The following GSTO1 variants were observed in gnomAD, a reference collection of about 807,000 sequenced individuals.
GSTO1 encodes glutathione S-transferase omega 1.
Under a neutral mutation model 23.8 loss-of-function variants are expected in GSTO1, and 27 were observed. The ratio of observed to expected loss-of-function variants is 1.13; its 90% CI spans 0.83 to 1.56. GSTO1 has a LOEUF of 1.56. GSTO1 is among the 40% of genes most tolerant of loss of function. GSTO1 has a pLI of 0.00. For synonymous variants in GSTO1, 105 were observed against 109.3 expected, an observed-to-expected ratio of 0.96 and a Z score of 0.25; for missense variants, 255 against 285.8, an observed-to-expected ratio of 0.89 and a Z score of 0.78.
chr10:104,257,558 C>G (rs1346510214), intron 2 of GSTO1, among the ~76,000 whole-genome samples: 3 of 152,050 alleles, frequency 2.0e-5, no homozygotes, highest in Non-Finnish European at 4.4e-5. Context: ...CCAGGCTGGT[C>G]TTGAACTCCT....
rs940611204 is a variant in GSTO1 at position 104,259,810 on chromosome 10, A to G, written c.366+12A>G. 5.8e-6 allele frequency: 9 copies of G among 1,553,286 alleles called. No individual in the cohort carries two copies. Among genetic ancestry groups the G allele is most frequent in the African/African-American group, 5.4e-5 (4 of 73,572 alleles). On this transcript the variant is annotated intron_variant, in intron 3 of 5. Transcript: ENST00000369713. The stretch of plus-strand genomic sequence containing the variant: ...AGTTGTTTTCTAAGGTTTGTGCATA[A>G]GAAATTTCAGCTCCTATTTGAAAAA...
At chr10:104,257,982 A>G (rs557358805) in intron 2 of GSTO1, among the ~76,000 whole-genome samples, 19 of 152,362 alleles carry the variant, frequency 1.2e-4, no homozygotes, top group African/African-American at 3.6e-4. Context: ...GTTTATTACT[A>G]TGAACAGATA....
rs2011207077 is a variant in GSTO1, at chr10:104,267,377, GC to G, written c.701del (p.Pro234LeufsTer16). ...TTCCTAGAGCTCTACTTACAGAACA[GC>G]CCTGAGGCCTGTGACTATGGGCTCT... ...QGFLELYLQNSPEACDYGL is the reference protein window; with the variant it reads ...QGFLELYLQNXPEACDYGL On this transcript the variant is annotated frameshift_variant, in exon 6 of 6. Coordinates refer to ENST00000369713, the MANE Select transcript of GSTO1 (RefSeq NM_004832.3). LOFTEE classifies it high-confidence loss of function. 1 of 1,613,194 alleles carries G rather than the reference GC, an allele frequency of 6.2e-7. No individual in the cohort carries two copies. The highest frequency in any genetic ancestry group is 8.5e-7 in the Non-Finnish European group (1 of 1,179,614).
intron 2 of GSTO1, among the ~76,000 whole-genome samples, chr10:104,257,238 C>T (rs2011104768): frequency 6.6e-6 from 1 of 152,056 alleles, no homozygotes; most frequent in African/African-American, 2.4e-5. Context: ...CTGGACTTCA[C>T]CTGTTTTCTT....
chr10:104,256,951 A>C (rs1273283469), intron 2 of GSTO1, among the ~76,000 whole-genome samples: 1 of 152,100 alleles, frequency 6.6e-6, no homozygotes, highest in Non-Finnish European at 1.5e-5. Flanking sequence ...GAACCTTTTA[A>C]ATTACATGCA....
chr10:104,262,630 T>G (rs2011147098), intron 3 of GSTO1, among the ~76,000 whole-genome samples: 1 of 152,188 alleles, frequency 6.6e-6, no homozygotes, highest in Admixed American at 6.5e-5. Flanking sequence ...GAGAATTGCT[T>G]GAGCCCGGGC....
chr10:104,260,398 G>A (rs2011129141), intron 3 of GSTO1, among the ~76,000 whole-genome samples: 1 of 152,136 alleles, frequency 6.6e-6, no homozygotes, highest in African/African-American at 2.4e-5. Flanking sequence ...TATAGTAATT[G>A]TTCCCACCTC....
chr10:104,255,320 G>A, intron 2 of GSTO1, 49 bp downstream of exon 2: 2 of 1,289,838 alleles, frequency 1.6e-6, no homozygotes, highest in Non-Finnish European at 2.3e-6. Flanking sequence ...GGAGCCTGCT[G>A]CAGGCGGCGG....
chr10:104,258,864 G>A (rs565128454), intron 2 of GSTO1, among the ~76,000 whole-genome samples: 50 of 152,216 alleles, frequency 3.3e-4, no homozygotes, highest in African/African-American at 1.2e-3. Flanking sequence ...TAAAAAAATA[G>A]ACATTTCTTC....
chr10:104,255,087 G>A, intron 1 of GSTO1, 76 bp from the exon 2 acceptor site: 1 of 1,430,620 alleles, frequency 7.0e-7, no homozygotes, highest in Non-Finnish European at 9.7e-7. Flanking sequence ...GAGCTGCAGT[G>A]GGACGCGGGG....
intron 1 of GSTO1, 69 bp from the exon 2 acceptor site, chr10:104,255,093 CG>C: frequency 2.1e-6 from 3 of 1,439,896 alleles, no homozygotes; most frequent in East Asian, 2.3e-5. Context: ...CAGTGGGACG[CG>C]GGGGCGGTGG....
chr10:104,256,036 T>C (rs984132995), intron 2 of GSTO1, among the ~76,000 whole-genome samples: 3 of 152,212 alleles, frequency 2.0e-5, no homozygotes, highest in Admixed American at 2.0e-4. Context: ...AACCCCCTAT[T>C]CTTAAGGAAT....
At chr10:104,257,880 A>T (rs1372246363) in intron 2 of GSTO1, among the ~76,000 whole-genome samples, 4 of 152,248 alleles carry the variant, frequency 2.6e-5, no homozygotes, top group African/African-American at 9.6e-5. Flanking sequence ...GAAATATTTC[A>T]AAACAAAAAT....
rs368130054 is a variant in GSTO1, at chr10:104,256,310, G to A, written c.143+1039G>A. On this transcript the variant is annotated intron_variant, in intron 2 of 5. Coordinates refer to ENST00000369713, the MANE Select transcript of GSTO1 (RefSeq NM_004832.3). ...TGATAGAACTCTTTTATTGTACTAA[G>A]AGAAATCTAATGTAACCAAAATTGA... 2.6e-5 allele frequency among the ~76,000 whole-genome samples: 4 copies of A among 152,254 alleles called. No individual in the cohort carries two copies. In the East Asian group the frequency reaches 7.7e-4, roughly 29 times the overall value.
chr10:104,262,953 AAAC>A (rs2011150821), intron 3 of GSTO1, 23 bp from the exon 4 acceptor site: 2 of 1,013,722 alleles, frequency 2.0e-6, no homozygotes, highest in Admixed American at 3.9e-5. Flanking sequence ...ATAAACTGAT[AAAC>A]TAAGAAATTA....
At chr10:104,262,572 C>G (rs909970980) in intron 3 of GSTO1, among the ~76,000 whole-genome samples, 1 of 152,120 alleles carries the variant, frequency 6.6e-6, no homozygotes, top group African/African-American at 2.4e-5. Context: ...ATTAGCCTGG[C>G]GTGGTGGCGC....
At chr10:104,263,996 G>A (rs2011159867) in intron 4 of GSTO1, among the ~76,000 whole-genome samples, 1 of 151,588 alleles carries the variant, frequency 6.6e-6, no homozygotes, top group African/African-American at 2.4e-5. Context: ...TATATGTACT[G>A]TAGAATTAGC....
chr10:104,254,938 G>A lies in GSTO1; in HGVS notation c.10G>A (p.Glu4Lys). The A allele has an allele frequency of 6.2e-7, 1 of 1,611,476 alleles. No individual in the cohort carries two copies. The highest frequency in any genetic ancestry group is 8.5e-7 in the Non-Finnish European group (1 of 1,179,282). MSG[E>K]SARSLGKGSA... ...CCTGCGCTGCGCCACGATGTCCGGG[G>A]AGTCAGCCAGGAGCTTGGGGAAGGG... Residue 4 changes from glutamate to lysine, a missense_variant, in exon 1 of 6, where the codon GAG becomes AAG. Glu to Lys is a moderately conservative substitution (Grantham distance 56, BLOSUM62 1). Coordinates refer to ENST00000369713, the MANE Select transcript of GSTO1 (RefSeq NM_004832.3).
chr10:104,254,737 A>G (rs1326757774), upstream of GSTO1: 1 of 631,640 alleles, frequency 1.6e-6, no homozygotes, highest in African/African-American at 1.8e-5. Flanking sequence ...GCTTTGACAC[A>G]GCCCCTTAAG....
Sources: allele counts gnomAD v4.1 joint callset (sites outside exome capture counted in the v4.1 genomes callset), GRCh38; gene constraint gnomAD v4.1.1; transcripts MANE v1.5; gene names NCBI Gene and HGNC (gene_info 2026-07-23, HGNC 2026-07-21).